HYOU1: variants seen among roughly 807,000 people sequenced by gnomAD.
The protein encoded by HYOU1 is hypoxia up-regulated protein 1.
In HYOU1, 40 loss-of-function variants were observed where a neutral mutation model predicts 120.5. That is an observed-to-expected ratio of 0.33 (90% CI 0.26 to 0.43). The LOEUF (loss-of-function observed/expected upper bound fraction) is 0.43, where lower values mean the gene tolerates loss of function less well. Ranked by LOEUF, HYOU1 falls within the 20% of genes least tolerant of loss-of-function variation. HYOU1 has a pLI of 1.00. For missense variants in HYOU1, 1,085 were observed against 1,278.3 expected, an observed-to-expected ratio of 0.85 and a Z score of 2.31; for synonymous variants, 501 against 479.4, an observed-to-expected ratio of 1.05 and a Z score of -0.59.
chr11:119,055,065 G>A lies in HYOU1; in HGVS notation c.420-5C>T, dbSNP rs2134706958. 6.2e-7 allele frequency: 1 copy of A among 1,614,138 alleles called. No individual in the cohort carries two copies. Among genetic ancestry groups the A allele is most frequent in the African/African-American group, 1.3e-5 (1 of 75,046 alleles). On this transcript the variant is annotated splice_region_variant and splice_polypyrimidine_tract_variant and intron_variant, in intron 5 of 25. Transcript: ENST00000617285. The surrounding 1 kb of genome is among the most constrained non-coding windows in gnomAD (Gnocchi z 4.0). Reference sequence around the variant, plus strand: ...TCAGGTGAGAACTGCAGCTGCCTGAGGGGAAGGAAGGTAGTTGGAGCCAAG... The same window carrying A: ...TCAGGTGAGAACTGCAGCTGCCTGAAGGGAAGGAAGGTAGTTGGAGCCAAG...
Position 119,052,681 on chromosome 11 carries a change from G to T in HYOU1, c.943C>A (p.Arg315=), listed in dbSNP as rs2133594637. Residue 315 remains arginine (R), a synonymous_variant, in exon 9 of 26, where the codon CGG becomes AGG. Coordinates refer to ENST00000617285, the MANE Select transcript of HYOU1 (RefSeq NM_006389.5). This position sits in a 1 kb window ranked among gnomAD's most constrained non-coding sequence, Gnocchi z 5.0. The part of the protein sequence containing the change: ...AMAKLLREAN[R]LKTVLSANAD... ...TTGGCACTGAGGACGGTTTTGAGCCGATTAGCCTCACGCAGCAGCTTGGCC... is the reference window on the plus strand; with the variant it reads ...TTGGCACTGAGGACGGTTTTGAGCCTATTAGCCTCACGCAGCAGCTTGGCC... 2 of 1,614,142 alleles carry T rather than the reference G, an allele frequency of 1.2e-6. No homozygotes were observed. The highest frequency in any genetic ancestry group is 8.5e-7 in the Non-Finnish European group (1 of 1,180,008).
In HYOU1 at chr11:119,046,633, T is replaced by C. The variant is rs2133551762; in HGVS notation, c.2765A>G (p.Asn922Ser). The C allele has an allele frequency of 6.2e-7, 1 of 1,614,208 alleles. No homozygotes were observed. Among genetic ancestry groups the C allele is most frequent in the South Asian group, 1.1e-5 (1 of 91,088 alleles). ...TKPRPRPKDK[N>S]GTRAEPPLNA... ...GAGGGGTGGCTCTGCCCGGGTCCCA[T>C]TCTTGTCCTTAGGCCGGGGCCGGGG... is the stretch of plus-strand genomic sequence containing the variant. The change falls in exon 23 of 26, where the codon AAT becomes AGT. Residue 922 changes from asparagine to serine, a missense_variant. Asn to Ser is a conservative substitution (Grantham distance 46, BLOSUM62 1). Coordinates refer to ENST00000617285, the MANE Select transcript of HYOU1 (RefSeq NM_006389.5).
intron 6 of HYOU1, 70 bp downstream of exon 6, chr11:119,054,914 C>T (rs1592155464): frequency 2.0e-6 from 3 of 1,495,050 alleles, no homozygotes; most frequent in East Asian, 2.3e-5. Flanking sequence ...GGCAAACTTG[C>T]CCCTGTTGGA....
In HYOU1 at chr11:119,055,064, A is replaced by T. The variant is rs1379309725; in HGVS notation, c.420-4T>A. ...CTCAGGTGAGAACTGCAGCTGCCTGAGGGGAAGGAAGGTAGTTGGAGCCAA... is the reference window on the plus strand; with the variant it reads ...CTCAGGTGAGAACTGCAGCTGCCTGTGGGGAAGGAAGGTAGTTGGAGCCAA... On this transcript the variant is annotated splice_region_variant and splice_polypyrimidine_tract_variant and intron_variant, in intron 5 of 25. Coordinates refer to ENST00000617285, the MANE Select transcript of HYOU1 (RefSeq NM_006389.5). This position sits in a 1 kb window ranked among gnomAD's most constrained non-coding sequence, Gnocchi z 4.0. The T allele has an allele frequency of 3.7e-6, 6 of 1,613,982 alleles. No individual in the cohort carries two copies. The African/African-American group carries it at 8.0e-5, about 22-fold the overall frequency.
rs1944380954 is a variant in HYOU1 at position 119,050,719 on chromosome 11, CCAAA to C, written c.1665+312_1665+315del. Reference sequence around the variant, plus strand: ...TTAAGTAACAGAGCCAAGACCCTCTCCAAAAAAAAAAAAAAAAAAAAAAAAAAAA... The same window carrying C: ...TTAAGTAACAGAGCCAAGACCCTCTCAAAAAAAAAAAAAAAAAAAAAAAAA... On this transcript the variant is annotated intron_variant, in intron 14 of 25. Transcript: ENST00000617285. Among the ~76,000 whole-genome samples the C allele has an allele frequency of 9.5e-5, 5 of 52,872 alleles. 1 individual carries two copies. Among genetic ancestry groups the C allele is most frequent in the African/African-American group, 2.0e-4 (3 of 15,156 alleles). The allele number at this position is 52,872 out of a possible 152,430, so 34.7% of individuals were successfully genotyped here. A position where few individuals can be genotyped will look rare whatever the true frequency, so the allele number is the denominator to read the frequency against.
Position 119,046,760 on chromosome 11 carries a change from C to T in HYOU1, c.2638G>A (p.Ala880Thr), listed in dbSNP as rs147237122. ...GAGAGCAACACAGGCTTCTCTGTGG[C>T]GGGCAGCTTAGCCTGCTCGGCCAGA... ...ATLAEQAKLPATEKPVLLSKD... is the reference protein window; with the variant it reads ...ATLAEQAKLPTTEKPVLLSKD... The change falls in exon 23 of 26, where the codon GCC (alanine) becomes ACC (threonine). Residue 880 changes from alanine to threonine, a missense_variant. Ala to Thr is a moderately conservative substitution (Grantham distance 58). Coordinates refer to ENST00000617285, the MANE Select transcript of HYOU1 (RefSeq NM_006389.5). 1,010 of 1,604,180 alleles carry T rather than the reference C, an allele frequency of 6.3e-4. 1 individual carries two copies. The highest frequency in any genetic ancestry group is 5.8e-3 in the Middle Eastern group (35 of 6,026).
rs2133581742 is a variant in HYOU1 at position 119,050,920 on chromosome 11, T to C, written c.1665+115A>G. The C allele has an allele frequency of 7.1e-5, 89 of 1,249,850 alleles. No individual in the cohort carries two copies. The African/African-American group carries it at 1.2e-3, about 16-fold the overall frequency. 77.4% of individuals were successfully genotyped at this position (1,249,850 alleles called of 1,614,324 possible). ...GCTCTGTTCAGAGCCAACATTTTTC[T>C]GATTCCTAAACCTTTTTTGGTTATC... On this transcript the variant is annotated intron_variant, in intron 14 of 25. Coordinates refer to ENST00000617285, the MANE Select transcript of HYOU1 (RefSeq NM_006389.5).
In HYOU1 at chr11:119,054,318, G is replaced by C. The variant is rs2133604235; in HGVS notation, c.679-82C>G. On this transcript the variant is annotated intron_variant, in intron 7 of 25. Transcript: ENST00000617285. Reference sequence around the variant, plus strand: ...CCTGCCCACCCACCTGCTTCCAATGGGCTGTCTGACTCTTAACACAAAACT... The same window carrying C: ...CCTGCCCACCCACCTGCTTCCAATGCGCTGTCTGACTCTTAACACAAAACT... The C allele has an allele frequency of 2.6e-4, 322 of 1,256,944 alleles. 3 individuals carry two copies. In the South Asian group the frequency reaches 3.8e-3, roughly 15 times the overall value. 77.9% of individuals were successfully genotyped at this position (1,256,944 alleles called of 1,614,324 possible).
Position 119,047,780 on chromosome 11 carries a change from G to C in HYOU1, c.2549C>G (p.Thr850Ser). 1 of 1,614,144 alleles carries C rather than the reference G, an allele frequency of 6.2e-7. No homozygotes were observed. The highest frequency in any genetic ancestry group is 8.5e-7 in the Non-Finnish European group (1 of 1,180,032). ...RLIPEMDQIF[T>S]EVEMTTLEKV... ...CTCTAACGTTGTCATCTCCACCTCA[G>C]TGAAGATCTGGTCCATCTCTGGGAT... Residue 850 changes from threonine to serine, a missense_variant, in exon 22 of 26, where the codon ACT becomes AGT. Thr to Ser is a moderately conservative substitution (Grantham distance 58). Transcript: ENST00000617285.
rs2134709795 is a variant in HYOU1 at position 119,055,954 on chromosome 11, A to G, written c.92-111T>C. 13 of 1,367,898 alleles carry G rather than the reference A, an allele frequency of 9.5e-6. No individual in the cohort carries two copies. Among genetic ancestry groups the G allele is most frequent in the East Asian group, 4.6e-5 (2 of 43,624 alleles). The allele number at this position is 1,367,898 out of a possible 1,614,324, so 84.7% of individuals were successfully genotyped here. A position where few individuals can be genotyped will look rare whatever the true frequency, so the allele number is the denominator to read the frequency against. On this transcript the variant is annotated intron_variant, in intron 2 of 25. Transcript: ENST00000617285. The surrounding 1 kb of genome is among the most constrained non-coding windows in gnomAD (Gnocchi z 4.0). Reference sequence around the variant, plus strand: ...GGGTAAACGAAGATGGCAAAAGACAAAAAGGCCTGGACCTAACAACTCAAG... The same window carrying G: ...GGGTAAACGAAGATGGCAAAAGACAGAAAGGCCTGGACCTAACAACTCAAG...
intron 22 of HYOU1, chr11:119,047,118 G>A (rs1413745188): frequency 1.2e-5 from 3 of 253,426 alleles, no homozygotes; most frequent in East Asian, 9.2e-5. Flanking sequence ...GCAGTGGCGC[G>A]ATCTCGACTC....
rs1169293372 is a variant in HYOU1, at chr11:119,051,063, T to C, written c.1637A>G (p.Asp546Gly). ...SKGIKAHFNLDESGVLSLDRV... is the reference protein window; with the variant it reads ...SKGIKAHFNLGESGVLSLDRV... ...GTCTAGACTGAGCACGCCACTCTCA[T>C]CCAGGTTGAAGTGAGCCTTGATGCC... is the stretch of plus-strand genomic sequence containing the variant. Residue 546 changes from aspartate to glycine, a missense_variant, in exon 14 of 26, where the codon GAT (aspartate) becomes GGT (glycine). This residue lies in a region of HYOU1 where 515 missense variants were observed against 677.8 expected (regional missense o/e 0.76). Coordinates refer to ENST00000617285, the MANE Select transcript of HYOU1 (RefSeq NM_006389.5). This position sits in a 1 kb window ranked among gnomAD's most constrained non-coding sequence, Gnocchi z 4.2. 1 of 1,614,118 alleles carries C rather than the reference T, an allele frequency of 6.2e-7. No homozygotes were observed. The highest frequency in any genetic ancestry group is 8.5e-7 in the Non-Finnish European group (1 of 1,180,046).
At position 119,055,650 on chromosome 11, in the gene HYOU1, C is replaced by T. The variant is rs1944710670; in HGVS notation, c.186-79G>A. On this transcript the variant is annotated intron_variant, in intron 3 of 25. Coordinates refer to ENST00000617285, the MANE Select transcript of HYOU1 (RefSeq NM_006389.5). This position sits in a 1 kb window ranked among gnomAD's most constrained non-coding sequence, Gnocchi z 4.0. ...CTCGACACTCACACACATTTAACCA[C>T]TCAGATGCCGAAGTCTGCTGTGGGC... The T allele has an allele frequency of 1.3e-6, 2 of 1,505,286 alleles. No homozygotes were observed. Among genetic ancestry groups the T allele is most frequent in the African/African-American group, 2.7e-5 (2 of 72,848 alleles). 93.2% of individuals were successfully genotyped at this position (1,505,286 alleles called of 1,614,324 possible).
chr11:119,049,970 G>T, intron 14 of HYOU1, 133 bp from the exon 15 acceptor site: 2 of 799,422 alleles, frequency 2.5e-6, no homozygotes, highest in Non-Finnish European at 2.1e-6. Context: ...CCTTTTCTAA[G>T]GACTTGGAGG....
rs782621929 is a variant in HYOU1 at position 119,056,350 on chromosome 11, A to T, written c.-7-183T>A. The T allele has an allele frequency of 4.4e-6, 3 of 677,634 alleles. No individual in the cohort carries two copies. In the South Asian group the frequency reaches 4.5e-5, roughly 10 times the overall value. 42.0% of individuals were successfully genotyped at this position (677,634 alleles called of 1,614,324 possible). On this transcript the variant is annotated intron_variant, in intron 1 of 25. Transcript: ENST00000617285. ...CAAACCATTCTCTAATCATCCCAGCAGCGCCCACACAAAGGCCCAAGTGAA... is the reference window on the plus strand; with the variant it reads ...CAAACCATTCTCTAATCATCCCAGCTGCGCCCACACAAAGGCCCAAGTGAA...
rs2133562663 is a variant in HYOU1 at position 119,048,314 on chromosome 11, C to G, written c.2310G>C (p.Glu770Asp). 4.3e-6 allele frequency: 7 copies of G among 1,610,784 alleles called. No individual in the cohort carries two copies. The highest frequency in any genetic ancestry group is 3.3e-5 in the South Asian group (3 of 91,072). The change falls in exon 20 of 26, where the codon GAG (glutamate) becomes GAC (aspartate). Residue 770 changes from glutamate (E) to aspartate (D), a missense_variant. Around this residue, in one of 4 missense-constraint regions of HYOU1, gnomAD observed 516 missense variants for 517.1 expected, o/e 1.00. Transcript: ENST00000617285. The surrounding 1 kb of genome is among the most constrained non-coding windows in gnomAD (Gnocchi z 4.7). ...QEVSTEEQRE[E>D]ISGKLSAAST... ...ATGCGGCGCTGAGCTTCCCAGAGAT[C>G]TCCTCACGCTGCTCCTCTGTGGACA...
chr11:119,044,974 T>G lies in HYOU1; in HGVS notation c.*619A>C. ...TTCCGCCAATCCAGAGGTACAGGCT[T>G]TTAGGCAAGGGGCAGAGAACTGCCC... On this transcript the variant is annotated 3_prime_UTR_variant, in exon 26 of 26. Coordinates refer to ENST00000617285, the MANE Select transcript of HYOU1 (RefSeq NM_006389.5). 2.6e-6 allele frequency: 1 copy of G among 379,170 alleles called. No homozygotes were observed. Among genetic ancestry groups the G allele is most frequent in the South Asian group, 1.8e-5 (1 of 54,214 alleles). 23.5% of individuals were successfully genotyped at this position (379,170 alleles called of 1,614,324 possible).
chr11:119,051,731 A>T lies in HYOU1; in HGVS notation c.1338+88T>A. 6.3e-7 allele frequency: 1 copy of T among 1,599,412 alleles called. No homozygotes were observed. On this transcript the variant is annotated intron_variant, in intron 12 of 25. Coordinates refer to ENST00000617285, the MANE Select transcript of HYOU1 (RefSeq NM_006389.5). The surrounding 1 kb of genome is among the most constrained non-coding windows in gnomAD (Gnocchi z 4.2). ...GGGGGAGACCTCTTAGCAGAAAGAC[A>T]AAGGGATGAGCCAGAGCAGACAGAA... is the stretch of plus-strand genomic sequence containing the variant.
intron 1 of HYOU1, 110 bp from the exon 2 acceptor site, chr11:119,056,277 A>AC: frequency 2.5e-6 from 2 of 800,068 alleles, no homozygotes; most frequent in Non-Finnish European, 4.2e-6. Flanking sequence ...CTTCATTCTT[A>AC]CCCAGGGCAG....
Sources: gnomAD v4.1 joint callset for allele counts (sites outside exome capture counted in the v4.1 genomes callset) on GRCh38, gnomAD v4.1.1 for gene constraint, gnomAD v4.1.1 regional missense constraint, Gnocchi (gnomAD v3.1) non-coding constraint, MANE v1.5 for transcripts, NCBI Gene and HGNC (gene_info 2026-07-23, HGNC 2026-07-21) for gene names.